ZDHHC18: variants seen among roughly 807,000 people sequenced by gnomAD.
ZDHHC18 encodes the protein palmitoyltransferase ZDHHC18.
ZDHHC18 carries 23 observed loss-of-function variants against 37.5 expected under a neutral mutation model. The ratio of observed to expected loss-of-function variants is 0.61; its 90% CI spans 0.44 to 0.87. The LOEUF is 0.87. Ranked by LOEUF, ZDHHC18 falls within the 40% of genes least tolerant of loss-of-function variation. ZDHHC18 has a pLI of 0.00. For missense variants in ZDHHC18, 406 were observed against 525.6 expected (o/e 0.77, Z 2.22); for synonymous variants, 185 against 218.7 (o/e 0.85, Z 1.36).
At chr1:26,846,310 ATTTTTTTTTTTTTTT>A (rs56921528) in intron 2 of ZDHHC18, among the ~76,000 whole-genome samples, 4 of 43,610 alleles carry the variant, frequency 9.2e-5, no homozygotes, top group Non-Finnish European at 1.2e-4. Context: ...ATATATATAT[ATTTTTTTTTTTTTTT>A]TTTTTTTTTT....
intron 2 of ZDHHC18, among the ~76,000 whole-genome samples, chr1:26,839,434 T>C (rs2081627746): frequency 6.6e-6 from 1 of 152,158 alleles, no homozygotes; most frequent in Admixed American, 6.6e-5. Flanking sequence ...AAAACCAATA[T>C]CTTTGACTCA....
chr1:26,849,982 A>G (rs2081693947), intron 3 of ZDHHC18, among the ~76,000 whole-genome samples: 2 of 152,246 alleles, frequency 1.3e-5, no homozygotes, highest in Admixed American at 1.3e-4. Flanking sequence ...AGAGTGTGAC[A>G]AAAGAGAAGT....
chr1:26,855,855 A>G lies in ZDHHC18; in HGVS notation c.*2012A>G, dbSNP rs1570678704. The G allele has an allele frequency of 5.5e-6, 1 of 182,578 alleles. No individual in the cohort carries two copies. Among genetic ancestry groups the G allele is most frequent in the East Asian group, 1.4e-4 (1 of 7,040 alleles). The allele number at this position is 182,578 out of a possible 1,614,324, so 11.3% of individuals were successfully genotyped here. A position where few individuals can be genotyped will look rare whatever the true frequency, so the allele number is the denominator to read the frequency against. ...GCAGGCAGCCCAGTGATCTGGCTAC[A>G]TTTTCCCTCACCTGGCTGGAGCTCT... On this transcript the variant is annotated 3_prime_UTR_variant, in exon 8 of 8. Transcript: ENST00000374142.
intron 1 of ZDHHC18, among the ~76,000 whole-genome samples, chr1:26,828,679 A>G (rs1448778020): frequency 6.6e-6 from 1 of 151,606 alleles, no homozygotes; most frequent in Admixed American, 6.6e-5. Flanking sequence ...TTCTCCCTTT[A>G]CCCTTTAACC....
In ZDHHC18 at chr1:26,854,589, C is replaced by T. The variant is rs74062531; in HGVS notation, c.*746C>T. On this transcript the variant is annotated 3_prime_UTR_variant, in exon 8 of 8. Coordinates refer to ENST00000374142, the MANE Select transcript of ZDHHC18 (RefSeq NM_032283.3). This position sits in a 1 kb window ranked among gnomAD's most constrained non-coding sequence, Gnocchi z 4.6. ...CTTTAAGGGATCCCAGCCTGCCCCT[C>T]CACTTCTCTCCCAAGCCAGGTCCCG... 9 of 152,756 alleles carry T rather than the reference C, an allele frequency of 5.9e-5. No individual in the cohort carries two copies. The highest frequency in any genetic ancestry group is 2.2e-4 in the African/African-American group (9 of 41,558). The allele number at this position is 152,756 out of a possible 1,614,324, so 9.5% of individuals were successfully genotyped here. A position where few individuals can be genotyped will look rare whatever the true frequency, so the allele number is the denominator to read the frequency against.
Position 26,832,529 on chromosome 1 carries a change from C to T in ZDHHC18, c.418C>T (p.Leu140=), listed in dbSNP as rs755175723. 4 of 1,614,202 alleles carry T rather than the reference C, an allele frequency of 2.5e-6. No individual in the cohort carries two copies. Among genetic ancestry groups the T allele is most frequent in the East Asian group, 2.2e-5 (1 of 44,880 alleles). ...CTTCTTCTTCGTCATGAGCTGCCTG[C>T]TGCAGACAAGCTTCACCGACCCTGG... ...ILFFFVMSCL[L]QTSFTDPGIL... Residue 140 remains leucine (L), a synonymous_variant, in exon 2 of 8, where the codon CTG becomes TTG. Transcript: ENST00000374142.
intron 1 of ZDHHC18, among the ~76,000 whole-genome samples, chr1:26,829,706 C>T (rs1366154139): frequency 1.3e-5 from 2 of 152,234 alleles, no homozygotes; most frequent in Non-Finnish European, 2.9e-5. Flanking sequence ...GCAGTAGGTG[C>T]TCAATACTTA....
intron 1 of ZDHHC18, among the ~76,000 whole-genome samples, chr1:26,831,839 C>T (rs1324611159): frequency 4.6e-5 from 7 of 152,144 alleles, no homozygotes; most frequent in African/African-American, 1.4e-4. Flanking sequence ...CAGGTTGGAG[C>T]TTAGGATTGT....
chr1:26,837,560 G>A (rs12724620), intron 2 of ZDHHC18, among the ~76,000 whole-genome samples: 11 of 151,076 alleles, frequency 7.3e-5, no homozygotes, highest in Non-Finnish European at 1.3e-4. Context: ...GCTTACTGCA[G>A]CCTCCACCTC....
intron 2 of ZDHHC18, among the ~76,000 whole-genome samples, chr1:26,834,580 C>A (rs1233029940): frequency 1.3e-5 from 2 of 152,218 alleles, no homozygotes; most frequent in Non-Finnish European, 2.9e-5. Flanking sequence ...TTCTCTGAAC[C>A]TGTGCTGCAA....
In ZDHHC18 at chr1:26,853,303, A is replaced by G. The variant is rs2081716557; in HGVS notation, c.1050-423A>G. On this transcript the variant is annotated intron_variant, in intron 7 of 7. Coordinates refer to ENST00000374142, the MANE Select transcript of ZDHHC18 (RefSeq NM_032283.3). ...ACCAGAGTTCCAGAACGGGGATTACATTGCTGTGGGTACTGCTAAGACAAG... is the reference window on the plus strand; with the variant it reads ...ACCAGAGTTCCAGAACGGGGATTACGTTGCTGTGGGTACTGCTAAGACAAG... 1.6e-5 allele frequency: 4 copies of G among 249,232 alleles called. No individual in the cohort carries two copies. The South Asian group carries it at 2.2e-4, about 14-fold the overall frequency. 15.4% of individuals were successfully genotyped at this position (249,232 alleles called of 1,614,324 possible). A position where few individuals can be genotyped will look rare whatever the true frequency, so the allele number is the denominator to read the frequency against.
chr1:26,848,629 AC>A lies in ZDHHC18; in HGVS notation c.520del (p.Arg174GlyfsTer10). The A allele has an allele frequency of 6.2e-7, 1 of 1,613,490 alleles. No individual in the cohort carries two copies. Among genetic ancestry groups the A allele is most frequent in the Non-Finnish European group, 8.5e-7 (1 of 1,179,528 alleles). On this transcript the variant is annotated frameshift_variant, in exon 3 of 8. Coordinates refer to ENST00000374142, the MANE Select transcript of ZDHHC18 (RefSeq NM_032283.3). LOFTEE classifies it high-confidence loss of function. ...KQIDNTGSST[Y>X]RPPPRTREVL... ...TCAGACAACACAGGCAGTTCTACAT[AC>A]CGGCCACCCCCTCGGACCCGGGAGG...
At chr1:26,837,777 GC>G (rs1365653931) in intron 2 of ZDHHC18, among the ~76,000 whole-genome samples, 1 of 151,820 alleles carries the variant, frequency 6.6e-6, no homozygotes, top group Admixed American at 6.6e-5. Flanking sequence ...ACCGTGCCCA[GC>G]CCCTCTTCTA....
Position 26,826,985 on chromosome 1 carries a change from A to C in ZDHHC18, c.181A>C (p.Ser61Arg). 2 of 1,226,042 alleles carry C rather than the reference A, an allele frequency of 1.6e-6. No homozygotes were observed. The highest frequency in any genetic ancestry group is 2.0e-6 in the Non-Finnish European group (2 of 984,848). The allele number at this position is 1,226,042 out of a possible 1,614,324, so 75.9% of individuals were successfully genotyped here. A position where few individuals can be genotyped will look rare whatever the true frequency, so the allele number is the denominator to read the frequency against. Residue 61 changes from serine to arginine, a missense_variant, in exon 1 of 8, where the codon AGC becomes CGC. Physicochemically the swap from Ser to Arg is moderately radical, Grantham distance 110. Transcript: ENST00000374142. The surrounding 1 kb of genome is among the most constrained non-coding windows in gnomAD (Gnocchi z 5.2). ...CAGCGGCAGCGGCAGCGGGAGCGGG[A>C]GCCTCGGCCGCCGCCCACGGCGCAA... is the stretch of plus-strand genomic sequence containing the variant. ...SGSGSGSGSG[S>R]LGRRPRRKWE...
chr1:26,836,780 G>A lies in ZDHHC18; in HGVS notation c.496+4173G>A, dbSNP rs1439122914. Among the ~76,000 whole-genome samples the A allele has an allele frequency of 4.0e-5, 6 of 149,624 alleles. No individual in the cohort carries two copies. In the East Asian group the frequency reaches 1.2e-3, roughly 30 times the overall value. ...AGACGGGGTTTCACTGTGTTAGCCA[G>A]GATGGTCTCGATCTCCTGACCTTGT... On this transcript the variant is annotated intron_variant, in intron 2 of 7. Coordinates refer to ENST00000374142, the MANE Select transcript of ZDHHC18 (RefSeq NM_032283.3).
intron 2 of ZDHHC18, among the ~76,000 whole-genome samples, chr1:26,834,342 T>C (rs538524049): frequency 1.9e-4 from 29 of 152,266 alleles, no homozygotes; most frequent in South Asian, 1.7e-3. Context: ...TGTTAACCAA[T>C]TGTACTGATG....
chr1:26,846,144 G>GTA (rs1173669314), intron 2 of ZDHHC18, among the ~76,000 whole-genome samples: 7 of 145,984 alleles, frequency 4.8e-5, no homozygotes, highest in African/African-American at 2.5e-5. Flanking sequence ...ATATATGTGT[G>GTA]TATATATATA....
Position 26,855,493 on chromosome 1 carries a change from C to G in ZDHHC18, c.*1650C>G, listed in dbSNP as rs561156115. ...TGACATAGGAAGTCCCCAGATCTTG[C>G]CCTTCTCACTCCAGAGGCTAGTGGT... On this transcript the variant is annotated 3_prime_UTR_variant, in exon 8 of 8. Transcript: ENST00000374142. 6.5e-6 allele frequency: 1 copy of G among 152,676 alleles called. No homozygotes were observed. Among genetic ancestry groups the G allele is most frequent in the Non-Finnish European group, 1.5e-5 (1 of 68,062 alleles). 9.5% of individuals were successfully genotyped at this position (152,676 alleles called of 1,614,324 possible).
At chr1:26,839,410 G>A (rs1429488151) in intron 2 of ZDHHC18, among the ~76,000 whole-genome samples, 1 of 152,154 alleles carries the variant, frequency 6.6e-6, no homozygotes, top group African/African-American at 2.4e-5. Context: ...ATGTCAGGCA[G>A]GCACAGGGTG....
Sources: allele counts gnomAD v4.1 joint callset (sites outside exome capture counted in the v4.1 genomes callset), GRCh38; gene constraint gnomAD v4.1.1; non-coding constraint Gnocchi (gnomAD v3.1); transcripts MANE v1.5; gene names NCBI Gene and HGNC (gene_info 2026-07-23, HGNC 2026-07-21).